Variants in SLC5A8 observed in about 807,000 individuals in gnomAD.
SLC5A8 encodes sodium-coupled monocarboxylate transporter 1.
Under a neutral mutation model 71.9 loss-of-function variants are expected in SLC5A8, and 55 were observed. That is an observed-to-expected ratio of 0.77 (90% CI 0.62 to 0.96). SLC5A8 has a LOEUF of 0.96. Among genes scored for constraint, SLC5A8 ranks in the 40% least tolerant of loss-of-function variants. The pLI is 0.00. For synonymous variants in SLC5A8, 307 were observed against 276.1 expected, an observed-to-expected ratio of 1.11 and a Z score of -1.11; for missense variants, 701 against 745.3, an observed-to-expected ratio of 0.94 and a Z score of 0.69.
intron 2 of SLC5A8, among the ~76,000 whole-genome samples, chr12:101,202,619 A>C (rs562472795): frequency 6.6e-6 from 1 of 152,104 alleles, no homozygotes; most frequent in African/African-American, 2.4e-5. Context: ...TCCCTGCATA[A>C]TTAATCAAGA....
chr12:101,196,555 A>G (rs780124933), intron 3 of SLC5A8, among the ~76,000 whole-genome samples: 1 of 151,394 alleles, frequency 6.6e-6, no homozygotes, highest in Non-Finnish European at 1.5e-5. Flanking sequence ...GTTAAATTAG[A>G]AAAAAAAACT....
At chr12:101,177,966 A>C (rs1019804825) in intron 10 of SLC5A8, among the ~76,000 whole-genome samples, 2 of 152,196 alleles carry the variant, frequency 1.3e-5, no homozygotes, top group African/African-American at 2.4e-5. Flanking sequence ...AAGACTGTTT[A>C]TGTAGAATAT....
At chr12:101,183,682 G>A (rs1032078571) in intron 8 of SLC5A8, among the ~76,000 whole-genome samples, 4 of 152,060 alleles carry the variant, frequency 2.6e-5, no homozygotes, top group Admixed American at 6.5e-5. Context: ...TGGAACAAAC[G>A]CAAGGAGAAA....
Position 101,190,434 on chromosome 12 carries a change from A to G in SLC5A8, c.833+34T>C, listed in dbSNP as rs142354259. 6.5e-4 allele frequency: 1,043 copies of G among 1,596,484 alleles called. 3 individuals carry two copies. The highest frequency in any genetic ancestry group is 3.3e-3 in the Middle Eastern group (20 of 6,026). On this transcript the variant is annotated intron_variant, in intron 6 of 14. Coordinates refer to ENST00000536262, the MANE Select transcript of SLC5A8 (RefSeq NM_145913.5). ...GTTTCCATAAAGACAACTGATGGTTATTAATGATTCATATACCATGGTGTG... is the reference window on the plus strand; with the variant it reads ...GTTTCCATAAAGACAACTGATGGTTGTTAATGATTCATATACCATGGTGTG...
At chr12:101,209,243 C>G (rs1869807496) in intron 1 of SLC5A8, among the ~76,000 whole-genome samples, 1 of 152,164 alleles carries the variant, frequency 6.6e-6, no homozygotes, top group Non-Finnish European at 1.5e-5. Context: ...CTTTGGAAGC[C>G]TCTTTTTTTC....
intron 5 of SLC5A8, among the ~76,000 whole-genome samples, chr12:101,192,942 T>A (rs2137158147): frequency 6.6e-6 from 1 of 151,426 alleles, no homozygotes; most frequent in Non-Finnish European, 1.5e-5. Flanking sequence ...AATATGCTAG[T>A]GTTTGTCTCT....
chr12:101,185,285 ATAAAGGTTTAACTT>A (rs1281511022), intron 7 of SLC5A8, among the ~76,000 whole-genome samples: 3 of 152,216 alleles, frequency 2.0e-5, no homozygotes, highest in African/African-American at 4.8e-5. Flanking sequence ...CCAAGATATC[ATAAAGGTTTAACTT>A]TAAACAATGT....
chr12:101,163,095 G>A (rs1332256463), intron 12 of SLC5A8, among the ~76,000 whole-genome samples: 2 of 152,194 alleles, frequency 1.3e-5, no homozygotes, highest in Non-Finnish European at 2.9e-5. Flanking sequence ...CCAGCTGACT[G>A]AGGCACAGTG....
At chr12:101,171,345 G>GAGTGGCCTTAA (rs1472257018) in intron 10 of SLC5A8, among the ~76,000 whole-genome samples, 1 of 152,144 alleles carries the variant, frequency 6.6e-6, no homozygotes, top group Non-Finnish European at 1.5e-5. Context: ...TGAGTTGCTT[G>GAGTGGCCTTAA]AGTGGCCTTA....
At chr12:101,180,798 C>G (rs2051925152) in intron 9 of SLC5A8, among the ~76,000 whole-genome samples, 1 of 152,140 alleles carries the variant, frequency 6.6e-6, no homozygotes, top group African/African-American at 2.4e-5. Flanking sequence ...AAGTGATCCT[C>G]CCACCTTGGC....
In SLC5A8 at chr12:101,182,682, T is replaced by C. The variant is rs749478832; in HGVS notation, c.1165+121A>G. On this transcript the variant is annotated intron_variant, in intron 9 of 14. Coordinates refer to ENST00000536262, the MANE Select transcript of SLC5A8 (RefSeq NM_145913.5). ...AAATCTGCATTGTCATAGGCATACA[T>C]ATGTGGATATCCAGTCATATTCAGA... 14 of 641,038 alleles carry C rather than the reference T, an allele frequency of 2.2e-5. No individual in the cohort carries two copies. The South Asian group carries it at 2.5e-4, about 12-fold the overall frequency. The allele number at this position is 641,038 out of a possible 1,614,324, so 39.7% of individuals were successfully genotyped here.
chr12:101,170,969 G>A (rs561912897), intron 10 of SLC5A8, among the ~76,000 whole-genome samples: 96 of 152,250 alleles, frequency 6.3e-4, no homozygotes, highest in African/African-American at 2.0e-3. Flanking sequence ...CTTGTACACC[G>A]TCTGATGCTC....
intron 3 of SLC5A8, among the ~76,000 whole-genome samples, chr12:101,201,060 A>G (rs568914410): frequency 1.1e-4 from 16 of 152,316 alleles, no homozygotes; most frequent in African/African-American, 3.6e-4. Context: ...GCCTGATAAG[A>G]ACAGAATGCT....
At chr12:101,161,446 T>A (rs1242463479) in intron 13 of SLC5A8, among the ~76,000 whole-genome samples, 2 of 152,104 alleles carry the variant, frequency 1.3e-5, no homozygotes, top group African/African-American at 2.4e-5. Flanking sequence ...TTTGATTTTT[T>A]AAAAATGAAC....
Position 101,209,498 on chromosome 12 carries a change from C to A in SLC5A8, c.351G>T (p.Glu117Asp). 6.3e-7 allele frequency: 1 copy of A among 1,591,410 alleles called. No individual in the cohort carries two copies. Among genetic ancestry groups the A allele is most frequent in the South Asian group, 1.1e-5 (1 of 86,986 alleles). ...GGTCCCAGCCCACCCTGCCCCTTAC[C>A]TCGTAGGTGCTGGTAATTCCCAGTT... The part of the protein sequence containing the change: ...FYKLGITSTY[E>D]YLELRFNKCV... The change falls in exon 1 of 15, where the codon GAG becomes GAT. Residue 117 changes from glutamate (E) to aspartate (D), a missense_variant and splice_region_variant. Transcript: ENST00000536262.
intron 3 of SLC5A8, among the ~76,000 whole-genome samples, chr12:101,198,142 T>A (rs191699140): frequency 2.0e-5 from 3 of 151,978 alleles, no homozygotes; most frequent in East Asian, 1.9e-4. Context: ...AAACACAAGG[T>A]ATCAAAATAT....
At chr12:101,202,739 A>G (rs1321415994) in intron 2 of SLC5A8, among the ~76,000 whole-genome samples, 1 of 152,152 alleles carries the variant, frequency 6.6e-6, no homozygotes, top group Admixed American at 6.5e-5. Context: ...AACCACATTC[A>G]ATCTTTTTAA....
intron 11 of SLC5A8, 140 bp from the exon 12 acceptor site, chr12:101,166,839 A>G: frequency 1.4e-6 from 1 of 692,838 alleles, no homozygotes; most frequent in Non-Finnish European, 2.4e-6. Flanking sequence ...TCTCCTCCCA[A>G]GATAGTGCTC....
At chr12:101,195,963 G>A (rs1331127700) in intron 3 of SLC5A8, among the ~76,000 whole-genome samples, 1 of 152,054 alleles carries the variant, frequency 6.6e-6, no homozygotes, top group Non-Finnish European at 1.5e-5. Context: ...CCAAAGTGCT[G>A]GGATTACAAG....
Sources: allele counts gnomAD v4.1 joint callset (sites outside exome capture counted in the v4.1 genomes callset), GRCh38; gene constraint gnomAD v4.1.1; transcripts MANE v1.5; gene names NCBI Gene and HGNC (gene_info 2026-07-23, HGNC 2026-07-21).